Variants in ABCD3 observed in about 807,000 individuals in gnomAD.
ABCD3 encodes ATP binding cassette subfamily D member 3.
A neutral mutation model predicts 105.5 loss-of-function variants in ABCD3; 41 were observed. The ratio of observed to expected loss-of-function variants is 0.39; its 90% confidence interval spans 0.30 to 0.50. The LOEUF (loss-of-function observed/expected upper bound fraction) is 0.50. ABCD3 is among the 20% of genes least tolerant of loss of function. ABCD3 has a pLI of 0.84. For missense variants in ABCD3, 622 were observed against 806.3 expected (o/e 0.77, Z 2.77); for synonymous variants, 258 against 269.0 (o/e 0.96, Z 0.40).
the ABCD3 span, among the ~76,000 whole-genome samples, chr1:94,405,319 T>G: frequency 6.6e-6 from 1 of 151,696 alleles, no homozygotes; most frequent in South Asian, 2.1e-4. Flanking sequence ...GCTTTTTTTT[T>G]TTTTTTTTGA....
chr1:94,419,368 G>A, intron 1 of ABCD3: 1 of 984,860 alleles, frequency 1.0e-6, no homozygotes, highest in Non-Finnish European at 1.2e-6. Flanking sequence ...TGCTTCCACC[G>A]CGGGAGAATT....
intron 2 of ABCD3, among the ~76,000 whole-genome samples, 179 bp from the exon 3 acceptor site, chr1:94,464,596 A>T (rs1372424482): frequency 1.3e-5 from 2 of 152,078 alleles, no homozygotes; most frequent in Non-Finnish European, 2.9e-5. Flanking sequence ...TTTAGATAAC[A>T]TTGTTTTCTC....
chr1:94,464,450 C>T (rs557719978), intron 2 of ABCD3, among the ~76,000 whole-genome samples: 1 of 152,154 alleles, frequency 6.6e-6, no homozygotes, highest in East Asian at 1.9e-4. Flanking sequence ...CAGCTCCAGC[C>T]AGGTTGGCCA....
intron 10 of ABCD3, among the ~76,000 whole-genome samples, chr1:94,485,274 T>G (rs116160693): frequency 0.017 from 2,658 of 152,322 alleles, 57 homozygotes; most frequent in Admixed American, 0.053. Context: ...TTGCCTGTGC[T>G]CACTCCAGGT....
At chr1:94,432,483 T>C (rs2100890789) in intron 1 of ABCD3, 1 of 152,346 alleles carries the variant, frequency 6.6e-6, no homozygotes, top group Middle Eastern at 3.4e-3. Flanking sequence ...AATAAAGTAT[T>C]TATTGAACAC....
intron 1 of ABCD3, among the ~76,000 whole-genome samples, chr1:94,445,305 G>A (rs1015114249): frequency 6.6e-6 from 1 of 152,100 alleles, no homozygotes; most frequent in Non-Finnish European, 1.5e-5. Context: ...GGCAAGTGGC[G>A]CCCATACATG....
intron 2 of ABCD3, among the ~76,000 whole-genome samples, chr1:94,463,949 AT>A (rs1357368087): frequency 6.6e-6 from 1 of 151,998 alleles, no homozygotes; most frequent in Non-Finnish European, 1.5e-5. Context: ...CCAACACTGT[AT>A]TTTTGTGCTC....
intron 10 of ABCD3, among the ~76,000 whole-genome samples, chr1:94,487,160 G>A (rs1289805744): frequency 6.6e-6 from 1 of 152,202 alleles, no homozygotes; most frequent in Non-Finnish European, 1.5e-5. Context: ...CGGACAGCTA[G>A]TGTTTCACTC....
chr1:94,474,052 A>G (rs1321460396), intron 5 of ABCD3, among the ~76,000 whole-genome samples: 4 of 148,684 alleles, frequency 2.7e-5, no homozygotes, highest in African/African-American at 5.0e-5. Context: ...ATGTGTATAT[A>G]TATTCATATA....
intron 20 of ABCD3, among the ~76,000 whole-genome samples, chr1:94,503,016 A>G (rs1204924705): frequency 3.3e-5 from 5 of 152,208 alleles, no homozygotes; most frequent in Admixed American, 1.3e-4. Context: ...ACACAAATTC[A>G]TAAACTTTCT....
At chr1:94,390,833 T>G in the ABCD3 span, among the ~76,000 whole-genome samples, 1 of 152,170 alleles carries the variant, frequency 6.6e-6, no homozygotes, top group Non-Finnish European at 1.5e-5. Flanking sequence ...AAAGGTTAGA[T>G]CTAACAGATC....
At chr1:94,454,887 A>G (rs892871531) in intron 1 of ABCD3, among the ~76,000 whole-genome samples, 1 of 152,172 alleles carries the variant, frequency 6.6e-6, no homozygotes, top group Non-Finnish European at 1.5e-5. Flanking sequence ...CCTGACCTCA[A>G]GCGATCCACT....
rs372531890 is a variant in ABCD3, at chr1:94,439,023, A to G, written c.111-19584A>G. On this transcript the variant is annotated intron_variant, in intron 1 of 22. Coordinates refer to ENST00000370214, the MANE Select transcript of ABCD3 (RefSeq NM_002858.4). ...AGTAAATCCATATTGAGTGCTCACT[A>G]CCTCTTTTTAGGTCACTGGCTTTAT... is the stretch of plus-strand genomic sequence containing the variant. 4.6e-5 allele frequency among the ~76,000 whole-genome samples: 7 copies of G among 152,034 alleles called. No individual in the cohort carries two copies. In the East Asian group the frequency reaches 7.7e-4, roughly 17 times the overall value.
chr1:94,509,354 A>G (rs1650535138), intron 21 of ABCD3, among the ~76,000 whole-genome samples: 6 of 152,200 alleles, frequency 3.9e-5, no homozygotes, highest in Admixed American at 2.6e-4. Flanking sequence ...ATCATGGTGG[A>G]TAAGCTTTTT....
chr1:94,487,775 A>T lies in ABCD3; in HGVS notation c.1049A>T (p.His350Leu), dbSNP rs764373319. 31 of 1,613,860 alleles carry T rather than the reference A, an allele frequency of 1.9e-5. No individual in the cohort carries two copies. The highest frequency in any genetic ancestry group is 1.6e-4 in the Middle Eastern group (1 of 6,082). ...CATCCTCGACATCTCAAGAGTACAC[A>T]TTCGGAACTTCTAGAGGTAAACTGA... ...LSHPRHLKST[H>L]SELLEDYYQS... The change falls in exon 12 of 23, where the codon CAT becomes CTT. Residue 350 changes from histidine to leucine, a missense_variant. His to Leu is a moderately conservative substitution (Grantham distance 99, BLOSUM62 -3). Around this residue, in one of 4 missense-constraint regions of ABCD3, gnomAD observed 245 missense variants for 356.4 expected, o/e 0.69. Coordinates refer to ENST00000370214, the MANE Select transcript of ABCD3 (RefSeq NM_002858.4).
At chr1:94,497,170 A>G (rs1000535517) in intron 16 of ABCD3, among the ~76,000 whole-genome samples, 7 of 152,086 alleles carry the variant, frequency 4.6e-5, no homozygotes, top group Non-Finnish European at 1.0e-4. Context: ...CCTCCAAAGT[A>G]CTTATTTTCT....
rs773932450 is a variant in ABCD3, at chr1:94,517,095, A to G, written c.1946A>G (p.Gln649Arg). Residue 649 changes from glutamine to arginine, a missense_variant, in exon 23 of 23, where the codon CAG becomes CGG. Gln to Arg is a conservative substitution (Grantham distance 43). This residue lies in a region of ABCD3 where 285 missense variants were observed against 352.5 expected (regional missense o/e 0.81). Transcript: ENST00000370214. The part of the protein sequence containing the change: ...MDGRGNYEFK[Q>R]ITEDTVEFGS ...GGCAGAGGCAACTATGAATTCAAAC[A>G]GATAACAGAAGATACAGTTGAGTTT... The G allele has an allele frequency of 1.2e-6, 2 of 1,610,964 alleles. No individual in the cohort carries two copies. The highest frequency in any genetic ancestry group is 2.2e-5 in the South Asian group (2 of 91,036).
intron 1 of ABCD3, among the ~76,000 whole-genome samples, chr1:94,438,148 G>A (rs1389787873): frequency 6.6e-6 from 1 of 152,022 alleles, no homozygotes; most frequent in Non-Finnish European, 1.5e-5. Flanking sequence ...TTAGCCGGGT[G>A]TGGTGGCATG....
At chr1:94,494,701 T>G (rs1649711575) in intron 16 of ABCD3, among the ~76,000 whole-genome samples, 1 of 152,192 alleles carries the variant, frequency 6.6e-6, no homozygotes, top group Non-Finnish European at 1.5e-5. Context: ...AATAAGAGAT[T>G]TTATACCATT....
Sources: allele counts gnomAD v4.1 joint callset (sites outside exome capture counted in the v4.1 genomes callset), GRCh38; gene constraint gnomAD v4.1.1; regional missense constraint gnomAD v4.1.1; transcripts MANE v1.5; gene names NCBI Gene and HGNC (gene_info 2026-07-23, HGNC 2026-07-21).